The following SOX15 variants were observed in gnomAD, a reference collection of about 807,000 sequenced individuals.
SOX15 encodes transcription factor SOX-15.
Under a neutral mutation model 15.9 loss-of-function variants are expected in SOX15, and 12 were observed. That is an observed-to-expected ratio of 0.75 (90% confidence interval 0.48 to 1.22). The LOEUF is 1.22. Ranked by LOEUF, SOX15 falls within the 50% of genes most tolerant of loss-of-function variation. The probability of loss-of-function intolerance (pLI) is 0.00; values close to 1 mark genes in which losing one functional copy is unlikely to be tolerated. For missense variants in SOX15, 309 were observed against 313.9 expected (o/e 0.98, Z 0.12); for synonymous variants, 149 against 142.8 (o/e 1.04, Z -0.31).
intron 1 of SOX15, 126 bp downstream of exon 1, chr17:7,589,018 C>A: frequency 2.3e-6 from 2 of 887,496 alleles, no homozygotes; most frequent in Non-Finnish European, 3.3e-6. Context: ...GGCCTGCGCC[C>A]GCCACACCTT....
At position 7,589,540 on chromosome 17, in the gene SOX15, A is replaced by G. The variant is rs201609941; in HGVS notation, c.137T>C (p.Leu46Pro). 6.5e-4 allele frequency: 1,039 copies of G among 1,608,610 alleles called. 10 individuals carry two copies. Among genetic ancestry groups the G allele is most frequent in the Non-Finnish European group, 5.7e-5 (67 of 1,178,274 alleles). ...GSPAAPGTLP[L>P]EKVKRPMNAF... Reference sequence around the variant, plus strand: ...GTTCATCGGCCGCTTCACCTTCTCCAGGGGCAGCGTCCCGGGGGCCGCGGG... The same window carrying G: ...GTTCATCGGCCGCTTCACCTTCTCCGGGGGCAGCGTCCCGGGGGCCGCGGG... Residue 46 changes from leucine to proline, a missense_variant, in exon 1 of 2, where the codon CTG becomes CCG. Coordinates refer to ENST00000250055, the MANE Select transcript of SOX15 (RefSeq NM_006942.2).
Position 7,588,341 on chromosome 17 carries a change from G to A in SOX15, c.*37C>T, listed in dbSNP as rs757881095. On this transcript the variant is annotated 3_prime_UTR_variant, in exon 2 of 2. Coordinates refer to ENST00000250055, the MANE Select transcript of SOX15 (RefSeq NM_006942.2). ...GGATGCTGCTGGATTAAAAAAGGAG[G>A]ATGAGGCCCGTCCCGTGAGGTCTGC... 6.2e-7 allele frequency: 1 copy of A among 1,604,200 alleles called. No individual in the cohort carries two copies. The highest frequency in any genetic ancestry group is 2.2e-5 in the East Asian group (1 of 44,816).
At position 7,590,026 on chromosome 17, in the gene SOX15, T is replaced by C. The variant is rs375811054; in HGVS notation, c.-350A>G. 4 of 268,152 alleles carry C rather than the reference T, an allele frequency of 1.5e-5. No individual in the cohort carries two copies. The East Asian group carries it at 3.4e-4, about 23-fold the overall frequency. The allele number at this position is 268,152 out of a possible 1,614,324, so 16.6% of individuals were successfully genotyped here. On this transcript the variant is annotated 5_prime_UTR_variant, in exon 1 of 2. Transcript: ENST00000250055. ...GTAAACCATAAACCCCTTTGTGGTC[T>C]CCGGAGTTCCGACAGCTGCCAGGCG...
In SOX15 at chr17:7,589,253, C is replaced by A. The variant is rs769492303; in HGVS notation, c.424G>T (p.Ala142Ser). The change falls in exon 1 of 2, where the codon GCC becomes TCC. Residue 142 changes from alanine to serine, a missense_variant. Transcript: ENST00000250055. ...SRCGQGRGNLASGGPLWGPGY... is the reference protein window; with the variant it reads ...SRCGQGRGNLSSGGPLWGPGY... ...GGCCCCCAGAGCGGGCCGCCGCTGG[C>A]CAGGTTGCCTCTTCCCTGTCCGCAG... is the stretch of plus-strand genomic sequence containing the variant. 117 of 1,553,706 alleles carry A rather than the reference C, an allele frequency of 7.5e-5. 2 individuals carry two copies. The highest frequency in any genetic ancestry group is 9.3e-5 in the Non-Finnish European group (107 of 1,149,254).
Position 7,588,408 on chromosome 17 carries a change from A to G in SOX15, c.672T>C (p.Ala224=), listed in dbSNP as rs1338556979. 2 of 1,613,308 alleles carry G rather than the reference A, an allele frequency of 1.2e-6. No individual in the cohort carries two copies. The highest frequency in any genetic ancestry group is 2.7e-5 in the African/African-American group (2 of 74,878). The change falls in exon 2 of 2, where the codon GCT becomes GCC. Residue 224 remains alanine (A), a synonymous_variant. Coordinates refer to ENST00000250055, the MANE Select transcript of SOX15 (RefSeq NM_006942.2). ...GGTGGGTTAGGGGCATGGGGGCACC[A>G]GCAAGGGGAGGGTTGTATGGAGTGG... ...GSPTPYNPPL[A]GAPMPLTHL
rs2071630014 is a variant in SOX15 at position 7,589,183 on chromosome 17, G to A, written c.494C>T (p.Pro165Leu). 1.3e-6 allele frequency: 2 copies of A among 1,524,914 alleles called. No homozygotes were observed. Among genetic ancestry groups the A allele is most frequent in the South Asian group, 1.2e-5 (1 of 81,706 alleles). 94.5% of individuals were successfully genotyped at this position (1,524,914 alleles called of 1,614,324 possible). A position where few individuals can be genotyped will look rare whatever the true frequency, so the allele number is the denominator to read the frequency against. The change falls in exon 1 of 2, where the codon CCC becomes CTC. Residue 165 changes from proline to leucine, a missense_variant. By Grantham distance (98) the Pro-to-Leu change is moderately conservative. Transcript: ENST00000250055. ...CAGGTAGGCTGTCGAGTAGCTGGGG[G>A]GTCTGTACCCAAAGCCTCTGCTCGG... ...TQPSRGFGYRPPSYSTAYLPG... is the reference protein window; with the variant it reads ...TQPSRGFGYRLPSYSTAYLPG...
Position 7,589,544 on chromosome 17 carries a change from G to A in SOX15, c.133C>T (p.Pro45Ser). ...ATCGGCCGCTTCACCTTCTCCAGGGGCAGCGTCCCGGGGGCCGCGGGGCTC... is the reference window on the plus strand; with the variant it reads ...ATCGGCCGCTTCACCTTCTCCAGGGACAGCGTCCCGGGGGCCGCGGGGCTC... ...AGSPAAPGTL[P>S]LEKVKRPMNA... Residue 45 changes from proline to serine, a missense_variant, in exon 1 of 2, where the codon CCC becomes TCC. Pro to Ser is a moderately conservative substitution (Grantham distance 74). Coordinates refer to ENST00000250055, the MANE Select transcript of SOX15 (RefSeq NM_006942.2). The A allele has an allele frequency of 6.2e-7, 1 of 1,607,090 alleles. No individual in the cohort carries two copies. The highest frequency in any genetic ancestry group is 8.5e-7 in the Non-Finnish European group (1 of 1,177,726).
intron 1 of SOX15, 73 bp downstream of exon 1, chr17:7,589,070 GC>G: frequency 7.3e-7 from 1 of 1,361,746 alleles, no homozygotes; most frequent in African/African-American, 1.5e-5. Context: ...CCGTCCTCCG[GC>G]ATCCGCCCCC....
Position 7,589,561 on chromosome 17 carries a change from G to T in SOX15, c.116C>A (p.Ala39Glu). The part of the protein sequence containing the change: ...PQEREGAGSP[A>E]APGTLPLEKV... Reference sequence around the variant, plus strand: ...CTCCAGGGGCAGCGTCCCGGGGGCCGCGGGGCTCCCAGCGCCCTCCCGCTC... The same window carrying T: ...CTCCAGGGGCAGCGTCCCGGGGGCCTCGGGGCTCCCAGCGCCCTCCCGCTC... Residue 39 changes from alanine to glutamate, a missense_variant, in exon 1 of 2, where the codon GCG (alanine) becomes GAG (glutamate). By Grantham distance (107) the Ala-to-Glu change is moderately radical. Transcript: ENST00000250055. The T allele has an allele frequency of 6.3e-7, 1 of 1,597,790 alleles. No homozygotes were observed.
At position 7,588,477 on chromosome 17, in the gene SOX15, C is replaced by A. The variant is rs1198103052; in HGVS notation, c.603G>T (p.Gly201=). Residue 201 remains glycine (G), a synonymous_variant, in exon 2 of 2, where the codon GGG becomes GGT. Transcript: ENST00000250055. The stretch of plus-strand genomic sequence containing the variant: ...AGTGGGTATAGGTGGGCAGCAGTTC[C>A]CCCTGGAGCCTAGGGTCACTCTGAG... The part of the protein sequence containing the change: ...SLPQSDPRLQ[G]ELLPTYTHYL... 2.5e-6 allele frequency: 4 copies of A among 1,613,808 alleles called. No homozygotes were observed. The highest frequency in any genetic ancestry group is 3.4e-6 in the Non-Finnish European group (4 of 1,179,856).
In SOX15 at chr17:7,589,797, A is replaced by G. The variant is rs755643196; in HGVS notation, c.-121T>C. The G allele has an allele frequency of 4.6e-6, 4 of 876,832 alleles. No homozygotes were observed. The highest frequency in any genetic ancestry group is 5.1e-6 in the Non-Finnish European group (3 of 590,584). 54.3% of individuals were successfully genotyped at this position (876,832 alleles called of 1,614,324 possible). ...GTTGCCGAGGAACTTGGGTCCTTAAAAAGTGTATTTTATCCCCAAGCCCAG... is the reference window on the plus strand; with the variant it reads ...GTTGCCGAGGAACTTGGGTCCTTAAGAAGTGTATTTTATCCCCAAGCCCAG... On this transcript the variant is annotated 5_prime_UTR_variant, in exon 1 of 2. Transcript: ENST00000250055.
rs1028120119 is a variant in SOX15 at position 7,588,453 on chromosome 17, G to T, written c.627C>A (p.His209Gln). The change falls in exon 2 of 2, where the codon CAC becomes CAA. Residue 209 changes from histidine to glutamine, a missense_variant. By Grantham distance (24) the His-to-Gln change is conservative. Coordinates refer to ENST00000250055, the MANE Select transcript of SOX15 (RefSeq NM_006942.2). ...GAGTGGGAGAGCCAGGGGGCAGGTA[G>T]TGGGTATAGGTGGGCAGCAGTTCCC... ...LQGELLPTYT[H>Q]YLPPGSPTPY... 2 of 1,613,738 alleles carry T rather than the reference G, an allele frequency of 1.2e-6. No homozygotes were observed. Among genetic ancestry groups the T allele is most frequent in the African/African-American group, 2.7e-5 (2 of 74,910 alleles).
At position 7,589,365 on chromosome 17, in the gene SOX15, C is replaced by T; in HGVS notation, c.312G>A (p.Arg104=). The T allele has an allele frequency of 1.2e-6, 2 of 1,610,722 alleles. No individual in the cohort carries two copies. The highest frequency in any genetic ancestry group is 1.7e-6 in the Non-Finnish European group (2 of 1,178,508). The stretch of plus-strand genomic sequence containing the variant: ...AGTCGCGCAGGTGTCGGGCGCGGAG[C>T]CGCTTGGCCTCCTCCACGAAGGGCC... ...EKRPFVEEAK[R]LRARHLRDYP... is the part of the protein sequence containing the mutation. The change falls in exon 1 of 2, where the codon CGG becomes CGA. Residue 104 remains arginine, a synonymous_variant. Coordinates refer to ENST00000250055, the MANE Select transcript of SOX15 (RefSeq NM_006942.2).
Position 7,589,716 on chromosome 17 carries a change from CCCCTCAACG to C in SOX15, c.-49_-41del. 1 of 1,482,942 alleles carries C rather than the reference CCCCTCAACG, an allele frequency of 6.7e-7. No homozygotes were observed. Among genetic ancestry groups the C allele is most frequent in the Non-Finnish European group, 8.9e-7 (1 of 1,117,416 alleles). The allele number at this position is 1,482,942 out of a possible 1,614,324, so 91.9% of individuals were successfully genotyped here. On this transcript the variant is annotated 5_prime_UTR_variant, in exon 1 of 2. Coordinates refer to ENST00000250055, the MANE Select transcript of SOX15 (RefSeq NM_006942.2). ...CTTAAGAGGGCGTCCTGAATGCCCT[CCCCTCAACG>C]TGAAGCGTCGATCCTGAAAATGGAA...
At position 7,588,469 on chromosome 17, in the gene SOX15, A is replaced by C; in HGVS notation, c.611T>G (p.Leu204Arg). 1 of 1,613,960 alleles carries C rather than the reference A, an allele frequency of 6.2e-7. No individual in the cohort carries two copies. The highest frequency in any genetic ancestry group is 8.5e-7 in the Non-Finnish European group (1 of 1,179,900). ...QSDPRLQGEL[L>R]PTYTHYLPPG... is the part of the protein sequence containing the mutation. ...GGGCAGGTAGTGGGTATAGGTGGGC[A>C]GCAGTTCCCCCTGGAGCCTAGGGTC... Residue 204 changes from leucine to arginine, a missense_variant, in exon 2 of 2, where the codon CTG becomes CGG. Physicochemically the swap from Leu to Arg is moderately radical, Grantham distance 102 (BLOSUM62 -2). Transcript: ENST00000250055.
Position 7,589,322 on chromosome 17 carries a change from G to C in SOX15, c.355C>G (p.Arg119Gly), listed in dbSNP as rs1267166846. ...HLRDYPDYKY[R>G]PRRKAKSSGA... is the part of the protein sequence containing the mutation. ...GAGCTCTTGGCCTTGCGCCGAGGCC[G>C]GTACTTGTAGTCGGGGTAGTCGCGC... The change falls in exon 1 of 2, where the codon CGG becomes GGG. Residue 119 changes from arginine (R) to glycine (G), a missense_variant. By Grantham distance (125) the Arg-to-Gly change is moderately radical. Transcript: ENST00000250055. 1.9e-6 allele frequency: 3 copies of C among 1,604,606 alleles called. No homozygotes were observed. Among genetic ancestry groups the C allele is most frequent in the African/African-American group, 2.7e-5 (2 of 74,646 alleles).
Position 7,589,453 on chromosome 17 carries a change from T to G in SOX15, c.224A>C (p.His75Pro). The change falls in exon 1 of 2, where the codon CAC becomes CCC. Residue 75 changes from histidine to proline, a missense_variant. His to Pro is a moderately conservative substitution (Grantham distance 77, BLOSUM62 -2). Transcript: ENST00000250055. ...CAGGCGCTTGGAGATCTCGGAGTTG[T>G]GCATCTTGGGGTTCTGCTGCGCCAT... ...RQMAQQNPKM[H>P]NSEISKRLGA... The G allele has an allele frequency of 6.2e-7, 1 of 1,613,826 alleles. No individual in the cohort carries two copies. Among genetic ancestry groups the G allele is most frequent in the Admixed American group, 1.7e-5 (1 of 60,026 alleles).
intron 1 of SOX15, chr17:7,588,853 G>C: frequency 1.7e-6 from 1 of 589,230 alleles, no homozygotes; most frequent in East Asian, 2.9e-5. Context: ...ACACAGGCCA[G>C]AAGCAGGGGG....
rs749579706 is a variant in SOX15, at chr17:7,589,426, C to T, written c.251G>A (p.Gly84Asp). ...MHNSEISKRLGAQWKLLDEDE... is the reference protein window; with the variant it reads ...MHNSEISKRLDAQWKLLDEDE... ...CTCGTCCAGCAGCTTCCACTGCGCG[C>T]CCAGGCGCTTGGAGATCTCGGAGTT... Residue 84 changes from glycine (G) to aspartate (D), a missense_variant, in exon 1 of 2, where the codon GGC becomes GAC. Physicochemically the swap from Gly to Asp is moderately conservative, Grantham distance 94 (BLOSUM62 -1). Coordinates refer to ENST00000250055, the MANE Select transcript of SOX15 (RefSeq NM_006942.2). 2.3e-5 allele frequency: 37 copies of T among 1,613,760 alleles called. No individual in the cohort carries two copies. The highest frequency in any genetic ancestry group is 3.1e-5 in the Non-Finnish European group (37 of 1,179,916).
Sources: gnomAD v4.1 joint callset for allele counts on GRCh38, gnomAD v4.1.1 for gene constraint, MANE v1.5 for transcripts, NCBI Gene and HGNC (gene_info 2026-07-23, HGNC 2026-07-21) for gene names.